The following OPRK1 variants were observed in gnomAD, a reference collection of about 807,000 sequenced individuals.
The protein encoded by OPRK1 is opioid receptor kappa 1.
Under a neutral mutation model 24.5 loss-of-function variants are expected in OPRK1, and 15 were observed. That is an observed-to-expected ratio of 0.61 (90% confidence interval 0.41 to 0.94). The LOEUF (loss-of-function observed/expected upper bound fraction) is 0.94. OPRK1 is among the 40% of genes least tolerant of loss of function. The pLI is 0.00. For missense variants in OPRK1, 479 were observed against 507.3 expected, an observed-to-expected ratio of 0.94 and a Z score of 0.54; for synonymous variants, 205 against 198.0, an observed-to-expected ratio of 1.04 and a Z score of -0.30.
At chr8:53,246,741 C>T (rs1205555354) in intron 2 of OPRK1, among the ~76,000 whole-genome samples, 8 of 152,110 alleles carry the variant, frequency 5.3e-5, no homozygotes, top group South Asian at 2.1e-4. Flanking sequence ...GAGGGCTGCA[C>T]TCCAGTGTCT....
At chr8:53,242,769 G>A in intron 2 of OPRK1, 4 of 1,165,456 alleles carry the variant, frequency 3.4e-6, no homozygotes, top group Non-Finnish European at 4.4e-6. Context: ...GCCTCCCAAA[G>A]TGCTGGGATT....
At position 53,251,094 on chromosome 8, in the gene OPRK1, G is replaced by A; in HGVS notation, c.-48-9C>T. ...AGGCGGCACCTGCGGCGCTGCGGGA[G>A]CGAAAGAACCGGCTGGACGCGGAGA... On this transcript the variant is annotated splice_polypyrimidine_tract_variant and intron_variant, in intron 1 of 3. Transcript: ENST00000265572. 1 of 1,433,918 alleles carries A rather than the reference G, an allele frequency of 7.0e-7. No homozygotes were observed. The highest frequency in any genetic ancestry group is 9.1e-7 in the Non-Finnish European group (1 of 1,100,218). The allele number at this position is 1,433,918 out of a possible 1,614,324, so 88.8% of individuals were successfully genotyped here.
At chr8:53,250,129 A>G (rs757058681) in intron 2 of OPRK1, among the ~76,000 whole-genome samples, 1 of 151,918 alleles carries the variant, frequency 6.6e-6, no homozygotes, top group Non-Finnish European at 1.5e-5. Context: ...CTCATGGTGA[A>G]AAAAACAGCG....
Position 53,250,959 on chromosome 8 carries a change from T to C in OPRK1, c.79A>G (p.Ser27Gly). 1 of 1,609,012 alleles carries C rather than the reference T, an allele frequency of 6.2e-7. No individual in the cohort carries two copies. Residue 27 changes from serine (S) to glycine (G), a missense_variant, in exon 2 of 4, where the codon AGC becomes GGC. Transcript: ENST00000265572. Reference protein sequence around the residue: ...APSACLPPNSSAWFPGWAEPD... With the variant: ...APSACLPPNSGAWFPGWAEPD... ...TCGGCCCAGCCGGGAAACCAGGCGC[T>C]GCTGTTGGGGGGCAGGCAGGCGCTC...
chr8:53,229,876 AT>A (rs1397083183), intron 3 of OPRK1, 47 bp from the exon 4 acceptor site: 1 of 1,488,952 alleles, frequency 6.7e-7, no homozygotes, highest in African/African-American at 1.4e-5. Context: ...TGTTATTGTT[AT>A]TACCGTGGCT....
intron 2 of OPRK1, chr8:53,238,563 G>A (rs998328451): frequency 8.1e-6 from 8 of 985,404 alleles, no homozygotes; most frequent in Non-Finnish European, 9.6e-6. Flanking sequence ...TGGTGGCCAG[G>A]CAACAGGGCG....
intron 2 of OPRK1, among the ~76,000 whole-genome samples, chr8:53,236,058 C>A (rs1806986746): frequency 6.6e-6 from 1 of 152,136 alleles, no homozygotes; most frequent in African/African-American, 2.4e-5. Flanking sequence ...AAAATCCATA[C>A]GTTGATTACT....
At chr8:53,244,663 A>G (rs1318197458) in intron 2 of OPRK1, among the ~76,000 whole-genome samples, 2 of 152,218 alleles carry the variant, frequency 1.3e-5, no homozygotes, top group African/African-American at 4.8e-5. Context: ...TCTTGACAAA[A>G]TTTCCTTGTT....
At chr8:53,235,614 G>C (rs972879998) in intron 2 of OPRK1, among the ~76,000 whole-genome samples, 1 of 152,078 alleles carries the variant, frequency 6.6e-6, no homozygotes, top group African/African-American at 2.4e-5. Context: ...AGTTGCAATG[G>C]CTGAAACACA....
rs756072689 is a variant in OPRK1 at position 53,251,077 on chromosome 8, C to T, written c.-40G>A. On this transcript the variant is annotated 5_prime_UTR_variant, in exon 2 of 4. It adds an upstream start codon to the 5' untranslated region. Transcript: ENST00000265572. ...AGCAGGAAGGCGAGGACAGGCGGCA[C>T]CTGCGGCGCTGCGGGAGCGAAAGAA... 6.9e-7 allele frequency: 1 copy of T among 1,453,794 alleles called. No homozygotes were observed. Among genetic ancestry groups the T allele is most frequent in the Non-Finnish European group, 9.0e-7 (1 of 1,110,022 alleles). The allele number at this position is 1,453,794 out of a possible 1,614,324, so 90.1% of individuals were successfully genotyped here.
In OPRK1 at chr8:53,251,565, C is replaced by T. The variant is rs912780583; in HGVS notation, c.-166G>A. The T allele has an allele frequency of 2.0e-5, 3 of 152,634 alleles. No homozygotes were observed. The highest frequency in any genetic ancestry group is 7.2e-5 in the African/African-American group (3 of 41,474). The allele number at this position is 152,634 out of a possible 1,614,324, so 9.5% of individuals were successfully genotyped here. ...GGCATCACCTGCTCTCGGACCCCGG[C>T]CCCGCTCTCCGCCCGAGGGCTGCTG... is the stretch of plus-strand genomic sequence containing the variant. On this transcript the variant is annotated 5_prime_UTR_variant, in exon 1 of 4. Transcript: ENST00000265572.
At position 53,250,773 on chromosome 8, in the gene OPRK1, G is replaced by A. The variant is rs763141650; in HGVS notation, c.257+8C>T. 23 of 1,599,568 alleles carry A rather than the reference G, an allele frequency of 1.4e-5. No individual in the cohort carries two copies. The highest frequency in any genetic ancestry group is 1.9e-5 in the Non-Finnish European group (22 of 1,171,988). ...CAGCCCCCAGCGCTGCGCTGTCCCC[G>A]CGCTCACCGGATGATCACGAACATG... On this transcript the variant is annotated splice_region_variant and intron_variant, in intron 2 of 3. Transcript: ENST00000265572.
intron 2 of OPRK1, among the ~76,000 whole-genome samples, chr8:53,241,451 C>A (rs189359468): frequency 6.6e-6 from 1 of 151,516 alleles, no homozygotes; most frequent in East Asian, 1.9e-4. Flanking sequence ...ATGGCTTGAC[C>A]GCCCCACTGC....
rs749193182 is a variant in OPRK1 at position 53,229,684 on chromosome 8, A to T, written c.756T>A (p.Arg252=). ...IIVCYTLMIL[R]LKSVRLLSGS... is the part of the protein sequence containing the mutation. Reference sequence around the variant, plus strand: ...CAGAAAGGAGCCGGACGCTCTTGAGACGCAGGATCATCAGGGTGTAGCAGA... The same window carrying T: ...CAGAAAGGAGCCGGACGCTCTTGAGTCGCAGGATCATCAGGGTGTAGCAGA... The change falls in exon 4 of 4, where the codon CGT becomes CGA. Residue 252 remains arginine, a synonymous_variant. Coordinates refer to ENST00000265572, the MANE Select transcript of OPRK1 (RefSeq NM_000912.5). The T allele has an allele frequency of 6.2e-7, 1 of 1,614,154 alleles. No individual in the cohort carries two copies. The highest frequency in any genetic ancestry group is 8.5e-7 in the Non-Finnish European group (1 of 1,180,024).
At chr8:53,235,160 C>T (rs759367356) in intron 2 of OPRK1, 49 bp from the exon 3 acceptor site, 3 of 1,508,008 alleles carry the variant, frequency 2.0e-6, no homozygotes, top group Non-Finnish European at 2.7e-6. Flanking sequence ...AAGTCAAACC[C>T]ATAAGGTGAA....
chr8:53,248,760 C>G (rs1176409527), intron 2 of OPRK1, among the ~76,000 whole-genome samples: 1 of 152,318 alleles, frequency 6.6e-6, no homozygotes, highest in African/African-American at 2.4e-5. Context: ...TGTATGTGCT[C>G]TAGCCATAAG....
intron 2 of OPRK1, among the ~76,000 whole-genome samples, chr8:53,237,955 T>C (rs949405000): frequency 6.6e-6 from 1 of 152,146 alleles, no homozygotes; most frequent in Admixed American, 6.5e-5. Context: ...GGAAGACACA[T>C]GCTTATAAAC....
At chr8:53,247,532 C>T (rs10111937) in intron 2 of OPRK1, among the ~76,000 whole-genome samples, 69,393 of 151,874 alleles carry the variant, frequency 0.46, 19,183 homozygotes, top group African/African-American at 0.78. Flanking sequence ...AAGTCGAACG[C>T]GTATGAAGTT....
At chr8:53,248,572 C>T (rs1442040362) in intron 2 of OPRK1, among the ~76,000 whole-genome samples, 2 of 152,234 alleles carry the variant, frequency 1.3e-5, no homozygotes, top group African/African-American at 4.8e-5. Flanking sequence ...TCAGTCTCTT[C>T]ATTTCCTAAG....
Sources: gnomAD v4.1 joint callset for allele counts (sites outside exome capture counted in the v4.1 genomes callset) on GRCh38, gnomAD v4.1.1 for gene constraint, MANE v1.5 for transcripts, NCBI Gene and HGNC (gene_info 2026-07-23, HGNC 2026-07-21) for gene names.